GALNT13: variants seen among roughly 807,000 people sequenced by gnomAD.
GALNT13 encodes the protein UDP-GalNAc:polypeptide N-acetylgalactosaminyltransferase 13.
A neutral mutation model predicts 64.2 loss-of-function variants in GALNT13; 28 were observed. The ratio of observed to expected loss-of-function variants is 0.44; its 90% CI spans 0.32 to 0.60. GALNT13 has a LOEUF of 0.60. GALNT13 is among the 20% of genes least tolerant of loss of function. The pLI, the probability that GALNT13 is intolerant of heterozygous loss-of-function variation, is 0.05. For missense variants in GALNT13, 577 were observed against 669.8 expected, an observed-to-expected ratio of 0.86 and a Z score of 1.53; for synonymous variants, 214 against 224.6, an observed-to-expected ratio of 0.95 and a Z score of 0.42.
the GALNT13 span, chr2:153,761,337 T>A: frequency 6.6e-6 from 1 of 152,170 alleles, no homozygotes; most frequent in East Asian, 1.9e-4. Context: ...ATTATTATAA[T>A]TGAGTACTAA....
At chr2:153,241,041 G>A in the GALNT13 span, among the ~76,000 whole-genome samples, 5 of 152,150 alleles carry the variant, frequency 3.3e-5, no homozygotes, top group African/African-American at 1.2e-4. Flanking sequence ...TACTCTTAAA[G>A]TTCTTGGTTA....
the GALNT13 span, among the ~76,000 whole-genome samples, chr2:153,669,730 G>A: frequency 6.6e-6 from 1 of 152,140 alleles, no homozygotes; most frequent in Non-Finnish European, 1.5e-5. Context: ...GCCTCACCCA[G>A]GAAGCACAAG....
intron 3 of GALNT13, among the ~76,000 whole-genome samples, chr2:154,054,874 C>T (rs942137272): frequency 6.6e-6 from 1 of 151,914 alleles, no homozygotes; most frequent in African/African-American, 2.4e-5. Context: ...GAATTATGAA[C>T]TCATCTTAAA....
Position 154,409,098 on chromosome 2 carries a change from TTA to T in GALNT13, c.1395+18_1395+19del, listed in dbSNP as rs745533533. ...AGGAAATCAGGTAAACTCTCCCTTT[TTA>T]TCAGCTTCATGTTTTAGAGGGAAAA... On this transcript the variant is annotated intron_variant, in intron 11 of 12. Transcript: ENST00000392825. The T allele has an allele frequency of 1.7e-5, 25 of 1,477,154 alleles. No individual in the cohort carries two copies. In the African/African-American group the frequency reaches 3.2e-4, roughly 19 times the overall value. The allele number at this position is 1,477,154 out of a possible 1,614,324, so 91.5% of individuals were successfully genotyped here.
chr2:154,093,924 G>A (rs1701949389), intron 3 of GALNT13, among the ~76,000 whole-genome samples: 1 of 151,550 alleles, frequency 6.6e-6, no homozygotes, highest in Non-Finnish European at 1.5e-5. Context: ...TCATGTAATA[G>A]GCAGTAAGTC....
chr2:153,788,316 C>T, the GALNT13 span, among the ~76,000 whole-genome samples: 1 of 152,106 alleles, frequency 6.6e-6, no homozygotes, highest in Non-Finnish European at 1.5e-5. Flanking sequence ...AAAGTAACTC[C>T]AACCAAGACT....
At chr2:153,551,266 T>C in the GALNT13 span, among the ~76,000 whole-genome samples, 2 of 152,160 alleles carry the variant, frequency 1.3e-5, no homozygotes, top group African/African-American at 2.4e-5. Context: ...ACTCCTACGT[T>C]TGGGCAGCAA....
chr2:153,981,629 C>A (rs865915399), intron 3 of GALNT13, among the ~76,000 whole-genome samples: 1 of 151,930 alleles, frequency 6.6e-6, no homozygotes, highest in Non-Finnish European at 1.5e-5. Context: ...GATGGACATT[C>A]GGGTTGTTTC....
the GALNT13 span, among the ~76,000 whole-genome samples, chr2:153,604,004 G>A: frequency 2.6e-5 from 4 of 152,000 alleles, no homozygotes; most frequent in East Asian, 3.9e-4. Context: ...TCAGTATTCC[G>A]TTTCATTAGT....
chr2:153,450,086 G>A, the GALNT13 span, among the ~76,000 whole-genome samples: 1 of 152,108 alleles, frequency 6.6e-6, no homozygotes, highest in East Asian at 1.9e-4. Flanking sequence ...TACTTAACAA[G>A]GCTTCATCGT....
intron 3 of GALNT13, among the ~76,000 whole-genome samples, chr2:154,060,190 C>T (rs745895993): frequency 2.5e-4 from 38 of 152,064 alleles, no homozygotes; most frequent in Non-Finnish European, 5.3e-4. Context: ...CGTGGATTTT[C>T]CAGCCTCCAG....
chr2:153,114,982 T>C, the GALNT13 span, among the ~76,000 whole-genome samples: 1 of 152,262 alleles, frequency 6.6e-6, no homozygotes, highest in Non-Finnish European at 1.5e-5. Context: ...TGAGCCTTAG[T>C]TTCTTTGTAA....
the GALNT13 span, among the ~76,000 whole-genome samples, chr2:153,765,826 C>T: frequency 1.8e-4 from 27 of 152,114 alleles, no homozygotes; most frequent in Non-Finnish European, 3.7e-4. Context: ...CCATATTGTT[C>T]TAATTGTAGT....
chr2:153,764,694 GA>G, the GALNT13 span, among the ~76,000 whole-genome samples: 3 of 152,250 alleles, frequency 2.0e-5, no homozygotes, highest in African/African-American at 7.2e-5. Context: ...TGACAATGGG[GA>G]AAATGTCTCC....
At chr2:154,296,913 T>C (rs1692958709) in intron 8 of GALNT13, among the ~76,000 whole-genome samples, 1 of 152,194 alleles carries the variant, frequency 6.6e-6, no homozygotes, top group South Asian at 2.1e-4. Context: ...GATGAAGTGA[T>C]GTTTCAGCTG....
the GALNT13 span, among the ~76,000 whole-genome samples, chr2:153,426,278 A>G: frequency 6.6e-6 from 1 of 151,936 alleles, no homozygotes; most frequent in East Asian, 1.9e-4. Context: ...TTGAAAACAC[A>G]TAAAGTAGAG....
chr2:153,749,247 C>T, the GALNT13 span, among the ~76,000 whole-genome samples: 21,529 of 151,858 alleles, frequency 0.14, 2,104 homozygotes, highest in African/African-American at 0.27. Context: ...GTAGCATAAT[C>T]TGACTTCAGG....
At chr2:153,811,663 A>G in the GALNT13 span, among the ~76,000 whole-genome samples, 4 of 152,346 alleles carry the variant, frequency 2.6e-5, no homozygotes, top group Middle Eastern at 3.4e-3. Context: ...TGCAAGCCAA[A>G]GCCTACAGTT....
chr2:154,019,602 CCACACACACACACACACACACACA>C (rs67316542), intron 3 of GALNT13, among the ~76,000 whole-genome samples: 4 of 126,498 alleles, frequency 3.2e-5, no homozygotes, highest in East Asian at 4.9e-4. Flanking sequence ...GAGTAAGACT[CCACACACACACACACACACACACA>C]CACACACACA....
Sources: allele counts gnomAD v4.1 joint callset (sites outside exome capture counted in the v4.1 genomes callset), GRCh38; gene constraint gnomAD v4.1.1; transcripts MANE v1.5; gene names NCBI Gene and HGNC (gene_info 2026-07-23, HGNC 2026-07-21).